The following GAB2 variants were observed in gnomAD, a reference collection of about 807,000 sequenced individuals.
GAB2 encodes GRB2-associated-binding protein 2.
In GAB2, 26 loss-of-function variants were observed where a neutral mutation model predicts 65.5. The observed-to-expected ratio is 0.40, with a 90% confidence interval of 0.29 to 0.55. The LOEUF is 0.55. GAB2 is among the 20% of genes least tolerant of loss of function. GAB2 has a pLI of 0.53. For synonymous variants in GAB2, 321 were observed against 329.6 expected, an observed-to-expected ratio of 0.97 and a Z score of 0.28; for missense variants, 884 against 875.8, an observed-to-expected ratio of 1.01 and a Z score of -0.12.
chr11:78,287,255 C>T (rs1235953958), intron 1 of GAB2, among the ~76,000 whole-genome samples: 1 of 152,158 alleles, frequency 6.6e-6, no homozygotes, highest in Non-Finnish European at 1.5e-5. Flanking sequence ...CAACAAAAGA[C>T]CACTATCAAA....
chr11:78,260,438 T>A (rs1865697746), intron 2 of GAB2, among the ~76,000 whole-genome samples: 1 of 152,200 alleles, frequency 6.6e-6, no homozygotes, highest in Non-Finnish European at 1.5e-5. Flanking sequence ...TGGAAATGCC[T>A]TGTCTCCCTA....
chr11:78,312,836 C>A (rs1855528902), intron 1 of GAB2, among the ~76,000 whole-genome samples: 1 of 152,082 alleles, frequency 6.6e-6, no homozygotes, highest in African/African-American at 2.4e-5. Flanking sequence ...TGACTCTGTC[C>A]TCTGGGCTCT....
rs1421330347 is a variant in GAB2, at chr11:78,220,360, C to A, written c.1846G>T (p.Ala616Ser). ...KKSTGSVDYL[A>S]LDFQPSSPSP... ...GGGGAGCTCGGCTGGAAGTCCAGGG[C>A]CAGATAATCAACGCTGCCGGTGCTC... Residue 616 changes from alanine (A) to serine (S), a missense_variant, in exon 9 of 10, where the codon GCC becomes TCC. Coordinates refer to ENST00000361507, the MANE Select transcript of GAB2 (RefSeq NM_080491.3). 5 of 1,612,848 alleles carry A rather than the reference C, an allele frequency of 3.1e-6. No homozygotes were observed. Among genetic ancestry groups the A allele is most frequent in the Non-Finnish European group, 1.7e-6 (2 of 1,179,530 alleles).
At chr11:78,379,159 C>T (rs1377964739) in intron 1 of GAB2, among the ~76,000 whole-genome samples, 1 of 152,260 alleles carries the variant, frequency 6.6e-6, no homozygotes, top group Admixed American at 6.5e-5. Context: ...GTTCACATTA[C>T]TTCCTGTTGT....
intron 1 of GAB2, among the ~76,000 whole-genome samples, chr11:78,290,276 C>A (rs1025158028): frequency 6.6e-6 from 1 of 152,058 alleles, no homozygotes; most frequent in Non-Finnish European, 1.5e-5. Context: ...GGTCTACTGT[C>A]AAGAAAGTTG....
At chr11:78,349,952 AAGAC>A (rs747716971) in intron 1 of GAB2, among the ~76,000 whole-genome samples, 1 of 152,188 alleles carries the variant, frequency 6.6e-6, no homozygotes, top group Non-Finnish European at 1.5e-5. Context: ...AAAAAAAAGA[AAGAC>A]AATCAAGAGG....
At chr11:78,287,341 T>TG (rs1307838737) in intron 1 of GAB2, among the ~76,000 whole-genome samples, 5 of 150,580 alleles carry the variant, frequency 3.3e-5, no homozygotes, top group African/African-American at 9.9e-5. Context: ...TGCAGAGGCA[T>TG]GAACATGGCT....
intron 1 of GAB2, among the ~76,000 whole-genome samples, chr11:78,375,338 T>G (rs1203811893): frequency 6.6e-6 from 1 of 152,248 alleles, no homozygotes; most frequent in African/African-American, 2.4e-5. Flanking sequence ...TGTTTGTATT[T>G]TTTTTAGTCT....
chr11:78,391,081 C>G (rs1277255009), intron 1 of GAB2, among the ~76,000 whole-genome samples: 1 of 152,094 alleles, frequency 6.6e-6, no homozygotes, highest in African/African-American at 2.4e-5. Flanking sequence ...GTTATTGTGG[C>G]AGTTTTAAAA....
intron 1 of GAB2, among the ~76,000 whole-genome samples, chr11:78,283,097 T>G (rs561353546): frequency 6.6e-6 from 1 of 152,342 alleles, no homozygotes; most frequent in African/African-American, 2.4e-5. Flanking sequence ...ATTTACCTAG[T>G]CAATGACTTT....
At chr11:78,417,141 G>A (rs1857207842) in intron 1 of GAB2, among the ~76,000 whole-genome samples, 1 of 152,204 alleles carries the variant, frequency 6.6e-6, no homozygotes, top group African/African-American at 2.4e-5. Flanking sequence ...AGCCGCGGAC[G>A]GAGGGAGGCC....
At chr11:78,299,892 A>G (rs1866944373) in intron 1 of GAB2, among the ~76,000 whole-genome samples, 1 of 152,220 alleles carries the variant, frequency 6.6e-6, no homozygotes, top group African/African-American at 2.4e-5. Context: ...AGTATACAGA[A>G]TTAAAAGAAT....
intron 1 of GAB2, among the ~76,000 whole-genome samples, chr11:78,302,841 T>C (rs554471328): frequency 1.3e-5 from 2 of 152,306 alleles, no homozygotes; most frequent in South Asian, 4.1e-4. Context: ...CAGATAGATA[T>C]ATGATGGAAT....
chr11:78,331,981 C>A (rs1855923018), intron 1 of GAB2, among the ~76,000 whole-genome samples: 1 of 152,158 alleles, frequency 6.6e-6, no homozygotes, highest in African/African-American at 2.4e-5. Context: ...TTGTGTTGGG[C>A]AACCCAAGAG....
intron 3 of GAB2, among the ~76,000 whole-genome samples, chr11:78,248,841 C>T (rs1352555712): frequency 6.6e-6 from 1 of 152,204 alleles, no homozygotes; most frequent in Admixed American, 6.5e-5. Context: ...CATTATACCA[C>T]ACTGCCTATC....
intron 1 of GAB2, among the ~76,000 whole-genome samples, chr11:78,340,070 G>A (rs1288526210): frequency 6.6e-6 from 1 of 152,202 alleles, no homozygotes; most frequent in Non-Finnish European, 1.5e-5. Flanking sequence ...AGAACAAGCA[G>A]TTGTGTTGAC....
rs777943922 is a variant in GAB2 at position 78,280,755 on chromosome 11, G to C, written c.222C>G (p.Thr74=). 9.3e-6 allele frequency: 15 copies of C among 1,614,186 alleles called. No homozygotes were observed. In the South Asian group the frequency reaches 9.9e-5, roughly 11 times the overall value. Residue 74 remains threonine, a synonymous_variant, in exon 2 of 10, where the codon ACC becomes ACG. Coordinates refer to ENST00000361507, the MANE Select transcript of GAB2 (RefSeq NM_080491.3). ...NFCEQVDAGL[T]FNKKELQDSF... Reference sequence around the variant, plus strand: ...TATCCTGCAGCTCCTTCTTGTTAAAGGTCAGGCCTGCATCTACCTGCTCAC... The same window carrying C: ...TATCCTGCAGCTCCTTCTTGTTAAACGTCAGGCCTGCATCTACCTGCTCAC...
chr11:78,266,201 C>T (rs776020452), intron 2 of GAB2, among the ~76,000 whole-genome samples: 54 of 109,372 alleles, frequency 4.9e-4, no homozygotes, highest in South Asian at 1.2e-3. Flanking sequence ...GGTGACAGAG[C>T]GAGACTCCAT....
intron 1 of GAB2, among the ~76,000 whole-genome samples, chr11:78,319,798 T>C (rs930067709): frequency 6.6e-6 from 1 of 152,088 alleles, no homozygotes; most frequent in African/African-American, 2.4e-5. Flanking sequence ...GGGCTGAGGA[T>C]ACAGCAGTAA....
Sources: gnomAD v4.1 joint callset for allele counts (sites outside exome capture counted in the v4.1 genomes callset) on GRCh38, gnomAD v4.1.1 for gene constraint, MANE v1.5 for transcripts, NCBI Gene and HGNC (gene_info 2026-07-23, HGNC 2026-07-21) for gene names.